RAB8B: variants seen among roughly 807,000 people sequenced by gnomAD.
RAB8B encodes RAB8B, member RAS oncogene family.
RAB8B carries 11 observed loss-of-function variants against 32.0 expected under a neutral mutation model. The ratio of observed to expected loss-of-function variants is 0.34; its 90% CI spans 0.22 to 0.57. The LOEUF is 0.57. Among genes scored for constraint, RAB8B ranks in the 20% least tolerant of loss-of-function variants. The pLI is 0.86. For synonymous variants in RAB8B, 103 were observed against 89.6 expected, an observed-to-expected ratio of 1.15 and a Z score of -0.85; for missense variants, 190 against 258.5, an observed-to-expected ratio of 0.73 and a Z score of 1.82.
chr15:63,223,332 G>A (rs57244231), intron 1 of RAB8B, among the ~76,000 whole-genome samples: 1,782 of 152,100 alleles, frequency 0.012, 36 homozygotes, highest in African/African-American at 0.041. Context: ...GGCTGGTCTC[G>A]AACTCCTGAC....
intron 1 of RAB8B, among the ~76,000 whole-genome samples, chr15:63,212,623 T>C (rs2037757295): frequency 6.6e-6 from 1 of 152,218 alleles, no homozygotes; most frequent in African/African-American, 2.4e-5. Flanking sequence ...TGCTGAGCTT[T>C]ACTGTGGGAA....
intron 3 of RAB8B, among the ~76,000 whole-genome samples, 173 bp from the exon 4 acceptor site, chr15:63,255,334 A>G (rs916895281): frequency 2.0e-5 from 3 of 152,220 alleles, no homozygotes; most frequent in African/African-American, 7.2e-5. Context: ...GACCAGTGGA[A>G]TAAGTATTTA....
intron 1 of RAB8B, among the ~76,000 whole-genome samples, chr15:63,237,097 A>G (rs1229750173): frequency 6.6e-6 from 1 of 152,208 alleles, no homozygotes; most frequent in Non-Finnish European, 1.5e-5. Flanking sequence ...TTTATGGCTG[A>G]ATAGTACTCC....
intron 3 of RAB8B, among the ~76,000 whole-genome samples, chr15:63,254,786 C>T (rs1292043515): frequency 6.6e-6 from 1 of 152,044 alleles, no homozygotes; most frequent in Non-Finnish European, 1.5e-5. Context: ...GTGGCGGGCG[C>T]CTGTAGTCCC....
intron 2 of RAB8B, among the ~76,000 whole-genome samples, chr15:63,247,385 T>C (rs186723062): frequency 6.6e-6 from 1 of 152,238 alleles, no homozygotes; most frequent in South Asian, 2.1e-4. Context: ...ATCTTATGAT[T>C]ACCCAACTCT....
chr15:63,198,701 T>A (rs1279842259), intron 1 of RAB8B, among the ~76,000 whole-genome samples: 2 of 152,224 alleles, frequency 1.3e-5, no homozygotes, highest in East Asian at 1.9e-4. Context: ...TAATAAATCA[T>A]AGATGTTATC....
chr15:63,230,594 G>A (rs1045188617), intron 1 of RAB8B, among the ~76,000 whole-genome samples: 1 of 152,208 alleles, frequency 6.6e-6, no homozygotes, highest in Non-Finnish European at 1.5e-5. Context: ...GAGCCACCAC[G>A]CCCGGCCTGT....
At chr15:63,195,955 T>C (rs1309638029) in intron 1 of RAB8B, among the ~76,000 whole-genome samples, 1 of 152,196 alleles carries the variant, frequency 6.6e-6, no homozygotes, top group African/African-American at 2.4e-5. Flanking sequence ...CACATGGTTC[T>C]GGTGGGAACT....
chr15:63,231,411 T>C (rs1439108968), intron 1 of RAB8B, among the ~76,000 whole-genome samples: 1 of 152,190 alleles, frequency 6.6e-6, no homozygotes, highest in African/African-American at 2.4e-5. Flanking sequence ...TTGTAATTTT[T>C]TCCAGTGATA....
chr15:63,213,083 G>A (rs539009231), intron 1 of RAB8B, among the ~76,000 whole-genome samples: 1 of 151,584 alleles, frequency 6.6e-6, no homozygotes, highest in Non-Finnish European at 1.5e-5. Context: ...TCCCTCTTTG[G>A]AATCAAAAAG....
rs185290536 is a variant in RAB8B at position 63,263,702 on chromosome 15, C to T, written c.*83C>T. ...AGCACAGGTCACCCAGCCTCAGAAT[C>T]ACACCTCCCGGCTGCTGCTGAGAGC... On this transcript the variant is annotated 3_prime_UTR_variant, in exon 8 of 8. Transcript: ENST00000321437. The T allele has an allele frequency of 2.9e-4, 328 of 1,118,302 alleles. No homozygotes were observed. The African/African-American group carries it at 4.4e-3, about 15-fold the overall frequency. The allele number at this position is 1,118,302 out of a possible 1,614,324, so 69.3% of individuals were successfully genotyped here.
intron 1 of RAB8B, among the ~76,000 whole-genome samples, chr15:63,197,150 C>G (rs1485853419): frequency 6.6e-6 from 1 of 151,272 alleles, no homozygotes; most frequent in Non-Finnish European, 1.5e-5. Flanking sequence ...AGGCCAAATT[C>G]TATTTAAAAA....
intron 1 of RAB8B, among the ~76,000 whole-genome samples, chr15:63,223,320 C>T (rs1341935722): frequency 6.6e-6 from 1 of 152,080 alleles, no homozygotes; most frequent in Non-Finnish European, 1.5e-5. Context: ...CTGTATTGGC[C>T]AGGCTGGTCT....
intron 1 of RAB8B, among the ~76,000 whole-genome samples, chr15:63,222,358 G>T (rs2037851528): frequency 1.3e-5 from 2 of 152,124 alleles, no homozygotes; most frequent in Non-Finnish European, 2.9e-5. Context: ...CCCTGCTGTT[G>T]TTAAACCTTT....
intron 1 of RAB8B, among the ~76,000 whole-genome samples, chr15:63,235,548 C>T (rs117285370): frequency 0.047 from 7,105 of 151,020 alleles, 228 homozygotes; most frequent in Middle Eastern, 0.097. Context: ...GTCAAAGTCC[C>T]CTATGAATCC....
chr15:63,255,616 G>C (rs765634489), intron 4 of RAB8B, 32 bp downstream of exon 4: 1 of 1,519,926 alleles, frequency 6.6e-7, no homozygotes, highest in Non-Finnish European at 9.1e-7. Flanking sequence ...TGACATTGGA[G>C]AAGAGTCCTG....
intron 1 of RAB8B, among the ~76,000 whole-genome samples, chr15:63,232,558 G>A (rs142985730): frequency 3.1e-4 from 47 of 152,290 alleles, no homozygotes; most frequent in African/African-American, 9.9e-4. Flanking sequence ...GTGTAAAGCC[G>A]TTCAGCTTTT....
intron 3 of RAB8B, 87 bp from the exon 4 acceptor site, chr15:63,255,420 T>G: frequency 1.2e-6 from 1 of 859,818 alleles, no homozygotes; most frequent in Non-Finnish European, 1.7e-6. Flanking sequence ...AAACAAAAGG[T>G]TTCTGGAGGG....
rs1396004144 is a variant in RAB8B at position 63,232,515 on chromosome 15, TTAATTTAG to T, written c.125-12237_125-12230del. 2.6e-5 allele frequency among the ~76,000 whole-genome samples: 4 copies of T among 152,216 alleles called. No homozygotes were observed. In the East Asian group the frequency reaches 7.7e-4, roughly 29 times the overall value. On this transcript the variant is annotated intron_variant, in intron 1 of 7. Transcript: ENST00000321437. The stretch of plus-strand genomic sequence containing the variant: ...ATATGAAGAATGCCAAGAATTGAAT[TTAATTTAG>T]TAACAAATAGAAAATTCTGAAACAG...
Sources: allele counts gnomAD v4.1 joint callset (sites outside exome capture counted in the v4.1 genomes callset), GRCh38; gene constraint gnomAD v4.1.1; transcripts MANE v1.5; gene names NCBI Gene and HGNC (gene_info 2026-07-23, HGNC 2026-07-21).